The following KIAA1328 variants were observed in gnomAD, a reference collection of about 807,000 sequenced individuals.
KIAA1328 encodes the protein protein hinderin.
In KIAA1328, 52 loss-of-function variants were observed where a neutral mutation model predicts 68.1. The observed-to-expected ratio is 0.76, with a 90% CI of 0.61 to 0.96. The LOEUF (loss-of-function observed/expected upper bound fraction) is 0.96. KIAA1328 is among the 40% of genes least tolerant of loss of function. The pLI is 0.00. For missense variants in KIAA1328, 641 were observed against 677.6 expected, an observed-to-expected ratio of 0.95 and a Z score of 0.60; for synonymous variants, 232 against 239.4, an observed-to-expected ratio of 0.97 and a Z score of 0.28.
chr18:37,195,821 A>T (rs1204633180), intron 9 of KIAA1328, among the ~76,000 whole-genome samples: 1 of 152,102 alleles, frequency 6.6e-6, no homozygotes, highest in South Asian at 2.1e-4. Flanking sequence ...TGGGATTTTT[A>T]AAAATTTCTG....
intron 5 of KIAA1328, among the ~76,000 whole-genome samples, chr18:36,887,574 CTTT>C (rs2048542582): frequency 6.6e-6 from 1 of 152,014 alleles, no homozygotes; most frequent in Non-Finnish European, 1.5e-5. Context: ...AACATAAAAA[CTTT>C]ATGAGAGCAC....
At chr18:37,070,656 C>A (rs1022080027) in intron 7 of KIAA1328, among the ~76,000 whole-genome samples, 1 of 151,446 alleles carries the variant, frequency 6.6e-6, no homozygotes, top group Non-Finnish European at 1.5e-5. Flanking sequence ...CTGCAACCTC[C>A]GTCTCCTGGG....
intron 4 of KIAA1328, among the ~76,000 whole-genome samples, chr18:36,858,249 C>T (rs138130224): frequency 5.1e-4 from 77 of 152,156 alleles, no homozygotes; most frequent in Middle Eastern, 3.4e-3. Flanking sequence ...ATCACATGCC[C>T]CCTTCATCCC....
chr18:37,226,368 A>G (rs577095762), downstream of KIAA1328, among the ~76,000 whole-genome samples: 95 of 152,022 alleles, frequency 6.2e-4, no homozygotes, highest in African/African-American at 2.2e-3. Flanking sequence ...AGTAGTCTTT[A>G]GTATATTCAC....
chr18:37,143,095 CA>C, intron 7 of KIAA1328, among the ~76,000 whole-genome samples: 1 of 152,150 alleles, frequency 6.6e-6, no homozygotes, highest in Middle Eastern at 3.4e-3. Flanking sequence ...GCTGGGATTA[CA>C]GGCATGTGCC....
At chr18:36,980,670 C>T (rs1262755859) in intron 6 of KIAA1328, among the ~76,000 whole-genome samples, 1 of 152,094 alleles carries the variant, frequency 6.6e-6, no homozygotes, top group Non-Finnish European at 1.5e-5. Context: ...CTCTGTGTTC[C>T]CACCCAAATA....
chr18:36,992,661 A>G (rs1027395339), intron 6 of KIAA1328, among the ~76,000 whole-genome samples: 5 of 152,162 alleles, frequency 3.3e-5, no homozygotes, highest in Non-Finnish European at 5.9e-5. Context: ...AATGTGATCA[A>G]ACAGCTCAGA....
chr18:37,057,989 T>C (rs369406404), intron 6 of KIAA1328, among the ~76,000 whole-genome samples: 35 of 152,246 alleles, frequency 2.3e-4, no homozygotes, highest in African/African-American at 8.4e-4. Flanking sequence ...ACCAAGATAG[T>C]CATAGGTAAA....
chr18:37,215,930 T>C (rs2060422233), intron 9 of KIAA1328, among the ~76,000 whole-genome samples: 1 of 152,208 alleles, frequency 6.6e-6, no homozygotes, highest in Non-Finnish European at 1.5e-5. Flanking sequence ...TCTAGTGTAT[T>C]TGCTTAGAAG....
Position 37,223,276 on chromosome 18 carries a change from C to T in KIAA1328, c.*1049C>T, listed in dbSNP as rs546433487. The T allele has an allele frequency of 2.0e-5, 20 of 985,394 alleles. No individual in the cohort carries two copies. In the East Asian group the frequency reaches 1.1e-3, roughly 56 times the overall value. The allele number at this position is 985,394 out of a possible 1,614,324, so 61.0% of individuals were successfully genotyped here. Reference sequence around the variant, plus strand: ...CTCTACTTGCCAGAGTATGTTCCACCACCCAAGCAGGGTCTCCCTACTTTT... The same window carrying T: ...CTCTACTTGCCAGAGTATGTTCCACTACCCAAGCAGGGTCTCCCTACTTTT... On this transcript the variant is annotated 3_prime_UTR_variant, in exon 10 of 10. Transcript: ENST00000280020.
At chr18:36,910,353 T>C (rs2049390745) in intron 5 of KIAA1328, among the ~76,000 whole-genome samples, 1 of 152,226 alleles carries the variant, frequency 6.6e-6, no homozygotes, top group Admixed American at 6.5e-5. Context: ...TAGCCAGTTT[T>C]CCCAGCATCA....
intron 6 of KIAA1328, among the ~76,000 whole-genome samples, chr18:36,968,869 T>C (rs1402835619): frequency 6.6e-6 from 1 of 152,174 alleles, no homozygotes; most frequent in Non-Finnish European, 1.5e-5. Context: ...AATCTAAAAT[T>C]GGTCAAACAA....
At chr18:37,060,562 A>G (rs951229695) in intron 6 of KIAA1328, among the ~76,000 whole-genome samples, 7 of 152,232 alleles carry the variant, frequency 4.6e-5, no homozygotes, top group African/African-American at 1.4e-4. Flanking sequence ...GAAATCAAAT[A>G]AACACTTCGG....
At chr18:37,225,698 T>A (rs1270787094), downstream of KIAA1328, among the ~76,000 whole-genome samples, 2 of 152,226 alleles carry the variant, frequency 1.3e-5, no homozygotes, top group African/African-American at 4.8e-5. Flanking sequence ...TGGCCCTGCC[T>A]AGTTGCCTTT....
intron 5 of KIAA1328, among the ~76,000 whole-genome samples, chr18:36,892,756 G>A (rs2048731677): frequency 6.6e-6 from 1 of 152,148 alleles, no homozygotes; most frequent in East Asian, 1.9e-4. Context: ...CAGTTTGAAT[G>A]ATTCTTTCCA....
chr18:36,894,224 A>G (rs72887034), intron 5 of KIAA1328, among the ~76,000 whole-genome samples: 20,708 of 152,204 alleles, frequency 0.14, 1,756 homozygotes, highest in Admixed American at 0.18. Flanking sequence ...AATTTTATAA[A>G]AATGTGTAAT....
At chr18:36,882,325 G>A (rs1417296415) in intron 4 of KIAA1328, among the ~76,000 whole-genome samples, 1 of 152,016 alleles carries the variant, frequency 6.6e-6, no homozygotes, top group Non-Finnish European at 1.5e-5. Flanking sequence ...GAAAAATATA[G>A]ACCATGATAC....
chr18:37,032,280 T>C (rs2054860358), intron 6 of KIAA1328, among the ~76,000 whole-genome samples: 3 of 152,240 alleles, frequency 2.0e-5, no homozygotes, highest in Admixed American at 1.3e-4. Flanking sequence ...CTTCCATTTG[T>C]TCTGTTATTA....
At position 37,224,000 on chromosome 18, in the gene KIAA1328, T is replaced by G. The variant is rs1236107553; in HGVS notation, c.*1773T>G. The G allele has an allele frequency of 1.0e-6, 1 of 985,310 alleles. No individual in the cohort carries two copies. Among genetic ancestry groups the G allele is most frequent in the Non-Finnish European group, 1.2e-6 (1 of 829,926 alleles). The allele number at this position is 985,310 out of a possible 1,614,324, so 61.0% of individuals were successfully genotyped here. ...CACCTCTGAGAGTAACCAAATCGGT[T>G]TCATCCCATATCAAAAAGCCTTTGG... On this transcript the variant is annotated 3_prime_UTR_variant, in exon 10 of 10. Transcript: ENST00000280020.
Sources: gnomAD v4.1 joint callset for allele counts (sites outside exome capture counted in the v4.1 genomes callset) on GRCh38, gnomAD v4.1.1 for gene constraint, MANE v1.5 for transcripts, NCBI Gene and HGNC (gene_info 2026-07-23, HGNC 2026-07-21) for gene names.